The following PIK3C2B variants were observed in gnomAD, a reference collection of about 807,000 sequenced individuals.
The protein encoded by PIK3C2B is phosphatidylinositol 4-phosphate 3-kinase C2 domain-containing subunit beta.
In PIK3C2B, 83 loss-of-function variants were observed where a neutral mutation model predicts 184.3. The observed-to-expected ratio is 0.45, with a 90% CI of 0.38 to 0.54. The LOEUF (loss-of-function observed/expected upper bound fraction) is 0.54. PIK3C2B is among the 20% of genes least tolerant of loss of function. The pLI is 0.00. For synonymous variants in PIK3C2B, 779 were observed against 837.6 expected, an observed-to-expected ratio of 0.93 and a Z score of 1.21; for missense variants, 1,736 against 2,113.5, an observed-to-expected ratio of 0.82 and a Z score of 3.50.
At chr1:204,483,877 G>A (rs1334646842) in intron 1 of PIK3C2B, among the ~76,000 whole-genome samples, 2 of 152,206 alleles carry the variant, frequency 1.3e-5, no homozygotes, top group Non-Finnish European at 2.9e-5. Flanking sequence ...GTGTCTCCCA[G>A]GGTAGCAACA....
chr1:204,486,688 C>T (rs1657623111), intron 1 of PIK3C2B, among the ~76,000 whole-genome samples: 1 of 152,174 alleles, frequency 6.6e-6, no homozygotes, highest in South Asian at 2.1e-4. Flanking sequence ...CGAGATTGCG[C>T]CATTGCACTC....
chr1:204,480,661 C>G (rs1657049939), intron 1 of PIK3C2B, among the ~76,000 whole-genome samples: 1 of 151,860 alleles, frequency 6.6e-6, no homozygotes, highest in African/African-American at 2.4e-5. Flanking sequence ...GGTGCAGGAG[C>G]CAATGGGCAG....
chr1:204,448,607 C>T (rs1227178324), intron 14 of PIK3C2B, among the ~76,000 whole-genome samples: 1 of 143,704 alleles, frequency 7.0e-6, no homozygotes, highest in African/African-American at 2.6e-5. Context: ...CATTGCATTC[C>T]AGCCTGGGTG....
intron 1 of PIK3C2B, among the ~76,000 whole-genome samples, chr1:204,483,939 G>T (rs529205700): frequency 6.6e-6 from 1 of 152,174 alleles, no homozygotes; most frequent in African/African-American, 2.4e-5. Flanking sequence ...CTGGATGAGC[G>T]ACCAGGGTGT....
intron 1 of PIK3C2B, among the ~76,000 whole-genome samples, chr1:204,478,011 C>T (rs907128248): frequency 6.6e-6 from 1 of 152,102 alleles, no homozygotes; most frequent in Non-Finnish European, 1.5e-5. Flanking sequence ...AGCTCTCAAG[C>T]AAGGCGGTGA....
At chr1:204,452,288 C>CTTTT (rs71145086) in intron 12 of PIK3C2B, among the ~76,000 whole-genome samples, 16,668 of 71,014 alleles carry the variant, frequency 0.23, 3,807 homozygotes, top group East Asian at 0.4. Flanking sequence ...GTGCAGCACC[C>CTTTT]TTTTTTTTTT....
rs1328826786 is a variant in PIK3C2B, at chr1:204,456,882, ACACACACACACACACACACACACACC to A, written c.1747+129_1747+154del. ...CCACACCTCATATAGGAACACACAC[ACACACACACACACACACACACACACC>A]CACACACACACACACACCAGCCGAA... is the stretch of plus-strand genomic sequence containing the variant. On this transcript the variant is annotated intron_variant, in intron 10 of 32. Transcript: ENST00000684373. Among the ~76,000 whole-genome samples, 259 of 68,668 alleles carry A rather than the reference ACACACACACACACACACACACACACC, an allele frequency of 3.8e-3. 1 individual carries two copies. The highest frequency in any genetic ancestry group is 9.7e-3 in the African/African-American group (252 of 25,920). 45.0% of individuals were successfully genotyped at this position (68,668 alleles called of 152,430 possible).
intron 1 of PIK3C2B, among the ~76,000 whole-genome samples, chr1:204,470,931 A>G (rs1656263793): frequency 6.6e-6 from 1 of 152,242 alleles, no homozygotes; most frequent in Non-Finnish European, 1.5e-5. Context: ...GAAAATGCAA[A>G]CTGATCTATA....
intron 4 of PIK3C2B, 77 bp downstream of exon 4, chr1:204,464,373 G>T: frequency 7.7e-7 from 1 of 1,292,098 alleles, no homozygotes; most frequent in Non-Finnish European, 1.0e-6. Context: ...AAGATGAGGT[G>T]GAAATCGAGT....
intron 5 of PIK3C2B, among the ~76,000 whole-genome samples, chr1:204,461,351 C>T (rs1450172655): frequency 6.6e-6 from 1 of 152,198 alleles, no homozygotes; most frequent in Non-Finnish European, 1.5e-5. Flanking sequence ...TAGGAGCCCT[C>T]GGCGATCCAA....
intron 12 of PIK3C2B, among the ~76,000 whole-genome samples, chr1:204,451,704 CTG>C (rs1193419893): frequency 6.6e-6 from 1 of 152,214 alleles, no homozygotes; most frequent in East Asian, 1.9e-4. Context: ...TGTGTGCAGA[CTG>C]TGTACTTTTT....
In PIK3C2B at chr1:204,432,277, T is replaced by A; in HGVS notation, c.4078A>T (p.Thr1360Ser). The part of the protein sequence containing the change: ...LTLSFASRTH[T>S]LKSSGRISDV... ...CTGATTCGGCCAGAGCTCTTGAGAG[T>A]GTGTGTTCGGGAGGCAAAGGAGAGG... The change falls in exon 27 of 33, where the codon ACT (threonine) becomes TCT (serine). Residue 1360 changes from threonine to serine, a missense_variant. This residue lies in a region of PIK3C2B where 200 missense variants were observed against 199.1 expected (regional missense o/e 1.00). Transcript: ENST00000684373. 1 of 1,613,378 alleles carries A rather than the reference T, an allele frequency of 6.2e-7. No individual in the cohort carries two copies. The highest frequency in any genetic ancestry group is 1.1e-5 in the South Asian group (1 of 91,016).
At chr1:204,460,231 C>G in intron 7 of PIK3C2B, 93 bp downstream of exon 7, 1 of 1,036,868 alleles carries the variant, frequency 9.6e-7, no homozygotes, top group Non-Finnish European at 1.5e-6. Flanking sequence ...TGCAAGAATC[C>G]CTTAGCCCTG....
rs1674620893 is a variant in PIK3C2B, at chr1:204,424,079, C to G, written c.*773G>C. 6.5e-6 allele frequency: 1 copy of G among 152,876 alleles called. No homozygotes were observed. The highest frequency in any genetic ancestry group is 6.5e-5 in the Admixed American group (1 of 15,298). 9.5% of individuals were successfully genotyped at this position (152,876 alleles called of 1,614,324 possible). On this transcript the variant is annotated 3_prime_UTR_variant, in exon 33 of 33. Coordinates refer to ENST00000684373, the MANE Select transcript of PIK3C2B (RefSeq NM_001377334.1). ...GGGAAGACAAGAGGAAAAGTCCCCC[C>G]AAAAGAGCATGGGTCCCTGAATACG...
At chr1:204,481,900 A>G (rs1284255767) in intron 1 of PIK3C2B, among the ~76,000 whole-genome samples, 1 of 152,234 alleles carries the variant, frequency 6.6e-6, no homozygotes, top group Non-Finnish European at 1.5e-5. Context: ...AAGCAGTTCC[A>G]GTCTTTCAAT....
At chr1:204,444,480 T>A in intron 16 of PIK3C2B, 56 bp from the exon 17 acceptor site, 1 of 1,301,940 alleles carries the variant, frequency 7.7e-7, no homozygotes, top group Non-Finnish European at 1.1e-6. Context: ...GGCACAGCTG[T>A]GAGCCCAGCA....
chr1:204,432,899 C>T (rs997990729), intron 26 of PIK3C2B, among the ~76,000 whole-genome samples: 11 of 152,236 alleles, frequency 7.2e-5, no homozygotes, highest in Non-Finnish European at 1.3e-4. Context: ...TGCTTTCACA[C>T]ACAGTGTACC....
Position 204,434,424 on chromosome 1 carries a change from C to T in PIK3C2B, c.3686+15G>A. 6.2e-7 allele frequency: 1 copy of T among 1,613,308 alleles called. No homozygotes were observed. Among genetic ancestry groups the T allele is most frequent in the Non-Finnish European group, 8.5e-7 (1 of 1,179,440 alleles). On this transcript the variant is annotated intron_variant, in intron 24 of 32. Coordinates refer to ENST00000684373, the MANE Select transcript of PIK3C2B (RefSeq NM_001377334.1). ...TTGCCCTTCACTCACAATCTGGCTT[C>T]AGGAGATCACTTACCGCTTGATGTT...
At chr1:204,473,521 G>C (rs1168479192) in intron 1 of PIK3C2B, among the ~76,000 whole-genome samples, 1 of 152,254 alleles carries the variant, frequency 6.6e-6, no homozygotes, top group Non-Finnish European at 1.5e-5. Flanking sequence ...GGAGGGCCTA[G>C]TGCCTTATAG....
Sources: allele counts gnomAD v4.1 joint callset (sites outside exome capture counted in the v4.1 genomes callset), GRCh38; gene constraint gnomAD v4.1.1; regional missense constraint gnomAD v4.1.1; transcripts MANE v1.5; gene names NCBI Gene and HGNC (gene_info 2026-07-23, HGNC 2026-07-21).